Variants in TENM1 observed in about 807,000 individuals in gnomAD.
The protein encoded by TENM1 is teneurin-1.
TENM1 carries 35 observed loss-of-function variants against 174.8 expected under a neutral mutation model. The observed-to-expected ratio is 0.20, with a 90% confidence interval of 0.15 to 0.27. The LOEUF (loss-of-function observed/expected upper bound fraction) is 0.27. Among genes scored for constraint, TENM1 ranks in the 10% least tolerant of loss-of-function variants. The probability of loss-of-function intolerance (pLI) is 1.00; values close to 1 mark genes in which losing one functional copy is unlikely to be tolerated. For missense variants in TENM1, 1,633 were observed against 2,130.1 expected (o/e 0.77, Z 4.59); for synonymous variants, 781 against 798.7 (o/e 0.98, Z 0.37).
intron 11 of TENM1, among the ~76,000 whole-genome samples, chrX:124,573,750 T>C (rs1443893409): frequency 1.8e-5 from 2 of 112,046 alleles, no homozygotes; most frequent in African/African-American, 6.5e-5. Context: ...CAATAAGCAT[T>C]CCTCATTTTG....
chrX:124,955,797 G>GCACGCACACACACACA (rs1556430462), intron 1 of TENM1, among the ~76,000 whole-genome samples: 1 of 91,251 alleles, frequency 1.1e-5, no homozygotes, highest in Non-Finnish European at 2.1e-5. Flanking sequence ...ACACGCGCAC[G>GCACGCACACACACACA]CACACACACA....
Position 124,737,102 on chromosome X carries a change from G to C in TENM1, c.631C>G (p.Pro211Ala), listed in dbSNP as rs769474572. Residue 211 changes from proline (P) to alanine (A), a missense_variant, in exon 4 of 32, where the codon CCT (proline) becomes GCT (alanine). Physicochemically the swap from Pro to Ala is conservative, Grantham distance 27. Around this residue, in one of 4 missense-constraint regions of TENM1, gnomAD observed 305 missense variants for 309.2 expected, o/e 0.99. Coordinates refer to ENST00000422452, the Ensembl canonical transcript of TENM1. ...CTCCTCTGAAGAGAGTCCGCTGCAG[G>C]GGGTGGCTTCCTGGCACAGGTGCAG... The C allele has an allele frequency of 6.6e-6, 8 of 1,211,002 alleles. No individual in the cohort carries two copies. The highest frequency in any genetic ancestry group is 7.8e-6 in the Non-Finnish European group (7 of 895,294).
At chrX:124,545,869 C>T (rs2048416883) in intron 15 of TENM1, among the ~76,000 whole-genome samples, 1 of 111,220 alleles carries the variant, frequency 9.0e-6, no homozygotes, top group African/African-American at 3.3e-5. Flanking sequence ...AGAGTCAGAA[C>T]TACACAATAA....
chrX:124,573,616 CAA>C (rs1040813489), intron 11 of TENM1, among the ~76,000 whole-genome samples: 1 of 112,001 alleles, frequency 8.9e-6, no homozygotes, highest in African/African-American at 3.2e-5. Context: ...TCCACAGATA[CAA>C]ACCACAACCA....
exon 18 of TENM1, chrX:124,520,567 T>C (rs2047818984): frequency 1.7e-6 from 2 of 1,209,618 alleles, no homozygotes; most frequent in Non-Finnish European, 2.2e-6. Flanking sequence ...GTCGGTCTTG[T>C]TCCAAGCAAA....
intron 3 of TENM1, among the ~76,000 whole-genome samples, chrX:124,876,910 C>T (rs953117280): frequency 1.8e-5 from 2 of 111,797 alleles, no homozygotes; most frequent in Non-Finnish European, 3.8e-5. Flanking sequence ...TCGACATACT[C>T]ACGTCTTATT....
At chrX:125,069,651 G>T in the TENM1 span, among the ~76,000 whole-genome samples, 1 of 110,665 alleles carries the variant, frequency 9.0e-6, no homozygotes, top group African/African-American at 3.3e-5. Context: ...GCTAATGCAT[G>T]CAGGGCTTAA....
At chrX:124,568,506 G>A (rs1359163925) in intron 11 of TENM1, among the ~76,000 whole-genome samples, 1 of 111,872 alleles carries the variant, frequency 8.9e-6, no homozygotes. Flanking sequence ...GTAAGATGGA[G>A]TGTCCTGAAT....
intron 3 of TENM1, among the ~76,000 whole-genome samples, chrX:124,763,788 C>A (rs2054477121): frequency 9.0e-6 from 1 of 111,680 alleles, no homozygotes; most frequent in East Asian, 2.8e-4. Context: ...AATGTTCACC[C>A]TAGATATAGT....
chrX:124,739,723 A>G (rs2053757662), intron 3 of TENM1, among the ~76,000 whole-genome samples: 1 of 111,986 alleles, frequency 8.9e-6, no homozygotes, highest in Non-Finnish European at 1.9e-5. Flanking sequence ...ATCATATTCT[A>G]TGTGTTTTGC....
chrX:124,895,666 A>G (rs1046104676), intron 2 of TENM1, among the ~76,000 whole-genome samples: 12 of 112,386 alleles, frequency 1.1e-4, no homozygotes, highest in African/African-American at 3.9e-4. Flanking sequence ...AATAAATTCT[A>G]CTAGTATTGC....
intron 1 of TENM1, among the ~76,000 whole-genome samples, chrX:124,915,754 C>T (rs893257803): frequency 5.5e-5 from 6 of 108,819 alleles, no homozygotes; most frequent in Admixed American, 4.9e-4. Context: ...TAGCTTCACA[C>T]GGAGTGCTTT....
the TENM1 span, among the ~76,000 whole-genome samples, chrX:124,970,593 C>T: frequency 2.7e-5 from 3 of 112,096 alleles, no homozygotes; most frequent in Non-Finnish European, 3.8e-5. Context: ...AAGAAGTGAA[C>T]TGCTGTGGGT....
chrX:124,778,616 T>C (rs2054837759), intron 3 of TENM1, among the ~76,000 whole-genome samples: 2 of 112,350 alleles, frequency 1.8e-5, no homozygotes, highest in African/African-American at 6.5e-5. Flanking sequence ...TTTATATTTC[T>C]AGTATATTTT....
chrX:124,520,800 A>T lies in TENM1; in HGVS notation c.3034-16T>A. Reference sequence around the variant, plus strand: ...CCTGTACAACCTGAAATAAAAAAAAAAAAAAAAAGCCAAATAGGCTCTTGT... The same window carrying T: ...CCTGTACAACCTGAAATAAAAAAAATAAAAAAAAGCCAAATAGGCTCTTGT... On this transcript the variant is annotated splice_polypyrimidine_tract_variant and intron_variant, in intron 17 of 31. Coordinates refer to ENST00000422452, the Ensembl canonical transcript of TENM1. 8.6e-7 allele frequency: 1 copy of T among 1,163,475 alleles called. No homozygotes were observed. Among genetic ancestry groups the T allele is most frequent in the Non-Finnish European group, 1.1e-6 (1 of 874,670 alleles).
intron 5 of TENM1, among the ~76,000 whole-genome samples, chrX:124,678,112 T>C (rs1473684276): frequency 9.0e-6 from 1 of 111,257 alleles, no homozygotes; most frequent in Non-Finnish European, 1.9e-5. Flanking sequence ...CCAATGACTT[T>C]ATATTGGCAG....
chrX:124,541,406 C>T (rs2048316764), intron 15 of TENM1, among the ~76,000 whole-genome samples: 1 of 111,744 alleles, frequency 8.9e-6, no homozygotes, highest in African/African-American at 3.3e-5. Flanking sequence ...TGAGGTCTGG[C>T]TGTTTAAAAG....
At chrX:124,808,550 G>A (rs1203612603) in intron 3 of TENM1, among the ~76,000 whole-genome samples, 1 of 111,977 alleles carries the variant, frequency 8.9e-6, no homozygotes, top group Non-Finnish European at 1.9e-5. Context: ...ACTTCACATG[G>A]AACATTCTCC....
intron 6 of TENM1, among the ~76,000 whole-genome samples, chrX:124,670,148 A>G (rs1403499904): frequency 8.9e-6 from 1 of 112,205 alleles, no homozygotes; most frequent in African/African-American, 3.2e-5. Context: ...TTTAGCCATC[A>G]TCATCAACTT....
Sources: gnomAD v4.1 joint callset for allele counts (sites outside exome capture counted in the v4.1 genomes callset) on GRCh38, gnomAD v4.1.1 for gene constraint, gnomAD v4.1.1 regional missense constraint, MANE v1.5 for transcripts, NCBI Gene and HGNC (gene_info 2026-07-23, HGNC 2026-07-21) for gene names.